Variants in USP25 observed in about 807,000 individuals in gnomAD.
The protein encoded by USP25 is ubiquitin specific peptidase 25.
USP25 carries 85 observed loss-of-function variants against 158.5 expected under a neutral mutation model. The ratio of observed to expected loss-of-function variants is 0.54; its 90% CI spans 0.45 to 0.64. The LOEUF is 0.64. Among genes scored for constraint, USP25 ranks in the 30% least tolerant of loss-of-function variants. The pLI, the probability that USP25 is intolerant of heterozygous loss-of-function variation, is 0.00. For missense variants in USP25, 1,242 were observed against 1,327.3 expected (o/e 0.94, Z 1.00); for synonymous variants, 464 against 460.4 (o/e 1.01, Z -0.10).
chr21:15,857,722 G>T (rs543282995), intron 20 of USP25, among the ~76,000 whole-genome samples: 2 of 151,956 alleles, frequency 1.3e-5, no homozygotes, highest in South Asian at 4.2e-4. Flanking sequence ...TAATTTTTTA[G>T]ATCTTATAAA....
chr21:15,818,777 A>C lies in USP25; in HGVS notation c.1011A>C (p.Leu337=), dbSNP rs1378061635. 1 of 1,613,960 alleles carries C rather than the reference A, an allele frequency of 6.2e-7. No individual in the cohort carries two copies. The highest frequency in any genetic ancestry group is 1.7e-5 in the Admixed American group (1 of 60,024). The change falls in exon 10 of 26, where the codon CTA becomes CTC. Residue 337 remains leucine (L), a synonymous_variant. Coordinates refer to ENST00000400183, the MANE Select transcript of USP25 (RefSeq NM_001283041.3). The part of the protein sequence containing the change: ...VNGFKDLHEC[L]EAAMIEGEIE... Reference sequence around the variant, plus strand: ...GGTTCAAAGATCTGCATGAGTGCCTAGAAGCTGCAATGATTGAAGGAGAAA... The same window carrying C: ...GGTTCAAAGATCTGCATGAGTGCCTCGAAGCTGCAATGATTGAAGGAGAAA...
chr21:15,748,316 C>G (rs763894327), intron 1 of USP25, among the ~76,000 whole-genome samples: 21 of 152,242 alleles, frequency 1.4e-4, no homozygotes, highest in South Asian at 8.3e-4. Context: ...GAGTCTTGCT[C>G]TCTTGCCCAG....
At chr21:15,848,473 A>G (rs1321704259) in intron 19 of USP25, among the ~76,000 whole-genome samples, 1 of 151,736 alleles carries the variant, frequency 6.6e-6, no homozygotes, top group East Asian at 1.9e-4. Context: ...ACTTAATATT[A>G]CTCTTTTTGA....
chr21:15,862,434 G>C (rs551092346), intron 20 of USP25, among the ~76,000 whole-genome samples: 1 of 152,156 alleles, frequency 6.6e-6, no homozygotes, highest in African/African-American at 2.4e-5. Context: ...TCAGATTAGG[G>C]ATACTCAACC....
chr21:15,734,432 A>T (rs2123155448), intron 1 of USP25, among the ~76,000 whole-genome samples: 1 of 152,314 alleles, frequency 6.6e-6, no homozygotes. Context: ...TTATCTTATT[A>T]TTAGTATAAG....
At position 15,831,322 on chromosome 21, in the gene USP25, G is replaced by A. The variant is rs148741257; in HGVS notation, c.1765-79G>A. ...TGCTCTTATGGTTTTCTCCAAACAG[G>A]TTGTTTGTGGGTTTCATGGAATGTG... On this transcript the variant is annotated intron_variant, in intron 15 of 25. Transcript: ENST00000400183. The A allele has an allele frequency of 2.2e-6, 3 of 1,344,848 alleles. No individual in the cohort carries two copies. The African/African-American group carries it at 4.4e-5, about 20-fold the overall frequency. 83.3% of individuals were successfully genotyped at this position (1,344,848 alleles called of 1,614,324 possible).
chr21:15,768,371 G>A (rs2034159153), intron 3 of USP25, among the ~76,000 whole-genome samples: 1 of 152,018 alleles, frequency 6.6e-6, no homozygotes, highest in Non-Finnish European at 1.5e-5. Flanking sequence ...TTAACTGTTG[G>A]CGTAACAGTA....
At chr21:15,834,359 G>A (rs1055073700) in intron 17 of USP25, among the ~76,000 whole-genome samples, 12 of 152,112 alleles carry the variant, frequency 7.9e-5, no homozygotes, top group African/African-American at 2.7e-4. Flanking sequence ...TCTCAGAGAA[G>A]CTATAAATTA....
chr21:15,745,473 C>CTTTT (rs11284817), intron 1 of USP25, among the ~76,000 whole-genome samples: 450 of 113,004 alleles, frequency 4.0e-3, no homozygotes, highest in Middle Eastern at 6.6e-3. Context: ...TTTTTCTTTT[C>CTTTT]TTTTTTTTTT....
intron 4 of USP25, among the ~76,000 whole-genome samples, chr21:15,780,779 C>T (rs1271217313): frequency 6.6e-6 from 1 of 152,130 alleles, no homozygotes; most frequent in East Asian, 1.9e-4. Context: ...TTATCCTTAT[C>T]ATTACTGAGG....
chr21:15,749,295 T>C (rs1403220793), intron 1 of USP25, among the ~76,000 whole-genome samples: 1 of 152,244 alleles, frequency 6.6e-6, no homozygotes, highest in East Asian at 1.9e-4. Context: ...AGTATTCTTA[T>C]ACTGAAGTAA....
chr21:15,831,853 G>A (rs1053214449), intron 16 of USP25, among the ~76,000 whole-genome samples: 2 of 151,888 alleles, frequency 1.3e-5, no homozygotes, highest in African/African-American at 4.8e-5. Context: ...GACCTTTTTC[G>A]TCCTTGCTAA....
intron 18 of USP25, among the ~76,000 whole-genome samples, chr21:15,846,541 T>C (rs2038626303): frequency 6.6e-6 from 1 of 152,112 alleles, no homozygotes; most frequent in South Asian, 2.1e-4. Flanking sequence ...AGTTAAACTC[T>C]TTTTCTATAT....
intron 10 of USP25, among the ~76,000 whole-genome samples, chr21:15,822,137 T>C (rs1359769939): frequency 1.3e-5 from 2 of 151,962 alleles, no homozygotes; most frequent in Non-Finnish European, 2.9e-5. Flanking sequence ...AATATTTTTT[T>C]GAAAGAAAAA....
intron 18 of USP25, among the ~76,000 whole-genome samples, chr21:15,842,911 A>G (rs2038407669): frequency 6.6e-6 from 1 of 152,132 alleles, no homozygotes; most frequent in East Asian, 1.9e-4. Context: ...TTGAGAATTT[A>G]AGACCTAATT....
At position 15,833,465 on chromosome 21, in the gene USP25, A is replaced by C; in HGVS notation, c.2111A>C (p.Asp704Ala). ...TTTGAAAAAGAACTAGAAGAATGGG[A>C]TGCACAACTTGCCCAGAAAGCTTTG... is the stretch of plus-strand genomic sequence containing the variant. The part of the protein sequence containing the change: ...QRFEKELEEW[D>A]AQLAQKALQE... Residue 704 changes from aspartate (D) to alanine (A), a missense_variant, in exon 17 of 26, where the codon GAT becomes GCT. Around this residue, in one of 3 missense-constraint regions of USP25, gnomAD observed 608 missense variants for 605.2 expected, o/e 1.00. Transcript: ENST00000400183. 1 of 1,614,104 alleles carries C rather than the reference A, an allele frequency of 6.2e-7. No homozygotes were observed. Among genetic ancestry groups the C allele is most frequent in the Non-Finnish European group, 8.5e-7 (1 of 1,179,988 alleles).
intron 4 of USP25, among the ~76,000 whole-genome samples, chr21:15,791,009 G>T (rs905521444): frequency 6.6e-6 from 1 of 151,764 alleles, no homozygotes; most frequent in Admixed American, 6.6e-5. Flanking sequence ...TAGATCTCAA[G>T]AATTGAAAGG....
chr21:15,826,295 A>G lies in USP25; in HGVS notation c.1396A>G (p.Thr466Ala), dbSNP rs762117392. Reference sequence around the variant, plus strand: ...ATTTGCCTCAAGTAAACCTGTTTGCACTTCTCCTGTTGACGATATTGACGC... The same window carrying G: ...ATTTGCCTCAAGTAAACCTGTTTGCGCTTCTCCTGTTGACGATATTGACGC... ...LEFASSKPVCTSPVDDIDASS... is the reference protein window; with the variant it reads ...LEFASSKPVCASPVDDIDASS... The change falls in exon 13 of 26, where the codon ACT (threonine) becomes GCT (alanine). Residue 466 changes from threonine to alanine, a missense_variant. Thr to Ala is a moderately conservative substitution (Grantham distance 58, BLOSUM62 0). Transcript: ENST00000400183. This position sits in a 1 kb window ranked among gnomAD's most constrained non-coding sequence, Gnocchi z 4.8. The G allele has an allele frequency of 1.3e-5, 21 of 1,613,976 alleles. No individual in the cohort carries two copies. Among genetic ancestry groups the G allele is most frequent in the Non-Finnish European group, 1.7e-5 (20 of 1,179,984 alleles).
intron 4 of USP25, among the ~76,000 whole-genome samples, chr21:15,782,858 G>A (rs74691304): frequency 0.076 from 11,584 of 152,128 alleles, 508 homozygotes; most frequent in East Asian, 0.099. Flanking sequence ...GCAAGGAAAC[G>A]TGTCACCCCC....
Sources: allele counts gnomAD v4.1 joint callset (sites outside exome capture counted in the v4.1 genomes callset), GRCh38; gene constraint gnomAD v4.1.1; regional missense constraint gnomAD v4.1.1; non-coding constraint Gnocchi (gnomAD v3.1); transcripts MANE v1.5; gene names NCBI Gene and HGNC (gene_info 2026-07-23, HGNC 2026-07-21).